The following DGKA variants were observed in gnomAD, a reference collection of about 807,000 sequenced individuals.
DGKA encodes diacylglycerol kinase alpha, also known as 80 kDa diacylglycerol kinase.
A neutral mutation model predicts 105.0 loss-of-function variants in DGKA; 35 were observed. That is an observed-to-expected ratio of 0.33 (90% confidence interval 0.25 to 0.44). The LOEUF is 0.44. DGKA is among the 20% of genes least tolerant of loss of function. DGKA has a pLI of 1.00. For missense variants in DGKA, 665 were observed against 915.0 expected, an observed-to-expected ratio of 0.73 and a Z score of 3.53; for synonymous variants, 296 against 332.0, an observed-to-expected ratio of 0.89 and a Z score of 1.18.
chr12:55,928,011 C>A, upstream of DGKA: 1 of 539,836 alleles, frequency 1.9e-6, no homozygotes, highest in East Asian at 3.2e-5. Context: ...GGCAACTCGC[C>A]AATAATCCGG....
intron 4 of DGKA, 82 bp from the exon 5 acceptor site, chr12:55,937,896 G>A: frequency 1.6e-6 from 2 of 1,231,622 alleles, no homozygotes; most frequent in Non-Finnish European, 2.3e-6. Context: ...TTTAAAAAAA[G>A]GGAGAGGTGG....
Position 55,953,378 on chromosome 12 carries a change from G to A in DGKA, c.2092G>A (p.Asp698Asn). 4 of 1,614,100 alleles carry A rather than the reference G, an allele frequency of 2.5e-6. No homozygotes were observed. Among genetic ancestry groups the A allele is most frequent in the Non-Finnish European group, 3.4e-6 (4 of 1,180,004 alleles). ...HTTKTLPMQI[D>N]GEPWMQTPCT... ...CACAAAAACCCTTCCCATGCAAATTGACGGAGAACCCTGGATGCAGACGCC... is the reference window on the plus strand; with the variant it reads ...CACAAAAACCCTTCCCATGCAAATTAACGGAGAACCCTGGATGCAGACGCC... The change falls in exon 23 of 24, where the codon GAC (aspartate) becomes AAC (asparagine). Residue 698 changes from aspartate to asparagine, a missense_variant. This residue lies in a region of DGKA where 158 missense variants were observed against 213.4 expected (regional missense o/e 0.74). Transcript: ENST00000331886.
chr12:55,953,693 C>T lies in DGKA; in HGVS notation c.2133C>T (p.Ile711=), dbSNP rs1196075729. The T allele has an allele frequency of 5.0e-6, 8 of 1,613,974 alleles. No individual in the cohort carries two copies. The highest frequency in any genetic ancestry group is 6.8e-6 in the Non-Finnish European group (8 of 1,179,988). ...GCTCCCTTCCCTTCCAGATCAAGAT[C>T]ACCCACAAGAACCAGATGCCCATGC... is the stretch of plus-strand genomic sequence containing the variant. The part of the protein sequence containing the change: ...PWMQTPCTIK[I]THKNQMPMLM... The change falls in exon 24 of 24, where the codon ATC becomes ATT. Residue 711 remains isoleucine, a synonymous_variant. Transcript: ENST00000331886.
intron 15 of DGKA, 41 bp from the exon 16 acceptor site, chr12:55,941,957 C>G: frequency 6.2e-7 from 1 of 1,606,106 alleles, no homozygotes; most frequent in African/African-American, 1.3e-5. Context: ...TAGCCTCAGT[C>G]CTGTTATCCT....
intron 9 of DGKA, chr12:55,939,877 G>T (rs1028085722): frequency 2.1e-5 from 13 of 605,956 alleles, no homozygotes; most frequent in Non-Finnish European, 3.8e-5. Flanking sequence ...GATGGTGTGG[G>T]GCAGGCATGC....
At position 55,940,338 on chromosome 12, in the gene DGKA, G is replaced by A; in HGVS notation, c.823G>A (p.Gly275Arg). The change falls in exon 11 of 24, where the codon GGA becomes AGA. Residue 275 changes from glycine (G) to arginine (R), a missense_variant. Gly to Arg is a moderately radical substitution (Grantham distance 125, BLOSUM62 -2). This residue lies in a region of DGKA where 504 missense variants were observed against 681.2 expected (regional missense o/e 0.74). Transcript: ENST00000331886. The surrounding 1 kb of genome is among the most constrained non-coding windows in gnomAD (Gnocchi z 4.3). Reference protein sequence around the residue: ...IGVQSHVWVRGGCESGRCDRC... With the variant: ...IGVQSHVWVRRGCESGRCDRC... ...GGTCCAATCACATGTGTGGGTGCGA[G>A]GAGGCTGTGAGTCCGGGCGCTGCGA... 1 of 1,614,242 alleles carries A rather than the reference G, an allele frequency of 6.2e-7. No individual in the cohort carries two copies. Among genetic ancestry groups the A allele is most frequent in the Non-Finnish European group, 8.5e-7 (1 of 1,180,044 alleles).
At chr12:55,946,407 A>G (rs992883020) in intron 17 of DGKA, among the ~76,000 whole-genome samples, 2 of 152,080 alleles carry the variant, frequency 1.3e-5, no homozygotes, top group Non-Finnish European at 2.9e-5. Context: ...CACAGGCTGG[A>G]GTGCAGTGGC....
At chr12:55,951,312 G>A (rs1888096818) in intron 17 of DGKA, among the ~76,000 whole-genome samples, 1 of 152,140 alleles carries the variant, frequency 6.6e-6, no homozygotes, top group Non-Finnish European at 1.5e-5. Flanking sequence ...AGGGGTCAAG[G>A]GTGAGAGAGG....
At chr12:55,945,042 C>T (rs376473279) in intron 17 of DGKA, among the ~76,000 whole-genome samples, 5 of 152,076 alleles carry the variant, frequency 3.3e-5, no homozygotes, top group African/African-American at 4.8e-5. Context: ...TCAGGTGATC[C>T]GCCCACCTCT....
At position 55,938,909 on chromosome 12, in the gene DGKA, C is replaced by G. The variant is rs1435119777; in HGVS notation, c.400-6C>G. On this transcript the variant is annotated splice_polypyrimidine_tract_variant and splice_region_variant and intron_variant, in intron 6 of 23. Coordinates refer to ENST00000331886, the MANE Select transcript of DGKA (RefSeq NM_001345.5). ...ATGGCTGTGGCTCTTGCCCTTTTTGCTCCAGGAAGTGGACAAAATTATCCT... is the reference window on the plus strand; with the variant it reads ...ATGGCTGTGGCTCTTGCCCTTTTTGGTCCAGGAAGTGGACAAAATTATCCT... 5 of 1,614,078 alleles carry G rather than the reference C, an allele frequency of 3.1e-6. No homozygotes were observed. The highest frequency in any genetic ancestry group is 4.2e-6 in the Non-Finnish European group (5 of 1,179,978).
Position 55,940,999 on chromosome 12 carries a change from T to C in DGKA, c.1101+19T>C, listed in dbSNP as rs752287522. The C allele has an allele frequency of 3.0e-5, 49 of 1,610,946 alleles. No homozygotes were observed. Among genetic ancestry groups the C allele is most frequent in the Non-Finnish European group, 3.9e-5 (46 of 1,178,358 alleles). ...TCTGCGGGTACAGGGCTGAGAGTCT[T>C]GGGCTTCATGATGGGGGCAGGTTTT... is the stretch of plus-strand genomic sequence containing the variant. On this transcript the variant is annotated intron_variant, in intron 13 of 23. Transcript: ENST00000331886. The surrounding 1 kb of genome is among the most constrained non-coding windows in gnomAD (Gnocchi z 4.3).
chr12:55,938,872 A>G, intron 6 of DGKA, 43 bp from the exon 7 acceptor site: 1 of 1,608,376 alleles, frequency 6.2e-7, no homozygotes. Context: ...GGATGGTGGT[A>G]GTAAAGGGGA....
At chr12:55,937,298 C>G in intron 3 of DGKA, 110 bp from the exon 4 acceptor site, 1 of 1,357,904 alleles carries the variant, frequency 7.4e-7, no homozygotes, top group Non-Finnish European at 1.0e-6. Context: ...ACTCCTGCCT[C>G]AGATGCTTCT....
At chr12:55,945,483 C>A (rs1055009762) in intron 17 of DGKA, among the ~76,000 whole-genome samples, 1 of 152,198 alleles carries the variant, frequency 6.6e-6, no homozygotes, top group Non-Finnish European at 1.5e-5. Flanking sequence ...TATTGTCTTA[C>A]AGTTCTGGAT....
At chr12:55,936,789 G>T (rs1430555812) in intron 2 of DGKA, 2 of 820,896 alleles carry the variant, frequency 2.4e-6, no homozygotes, top group Non-Finnish European at 4.2e-6. Flanking sequence ...CAAGGTCTCG[G>T]CTCTCTACCC....
chr12:55,947,747 A>G (rs1157745988), intron 17 of DGKA, among the ~76,000 whole-genome samples: 1 of 152,146 alleles, frequency 6.6e-6, no homozygotes, highest in Admixed American at 6.6e-5. Flanking sequence ...AGAGACTTCT[A>G]GAAGTAGAAT....
At chr12:55,939,133 G>A in intron 7 of DGKA, 53 bp from the exon 8 acceptor site, 9 of 1,606,558 alleles carry the variant, frequency 5.6e-6, no homozygotes, top group Non-Finnish European at 6.8e-6. Context: ...GTGGAGAGGT[G>A]TTGGGTCTGA....
chr12:55,930,315 A>T (rs1883345115), upstream of DGKA: 1 of 151,852 alleles, frequency 6.6e-6, no homozygotes, highest in Non-Finnish European at 1.5e-5. Context: ...CTAACAGTGA[A>T]GAAAATACTG....
chr12:55,941,237 C>T lies in DGKA; in HGVS notation c.1102-15C>T. On this transcript the variant is annotated splice_polypyrimidine_tract_variant and intron_variant, in intron 13 of 23. Coordinates refer to ENST00000331886, the MANE Select transcript of DGKA (RefSeq NM_001345.5). ...ATCCTGCTTTCTTTGTCCTTATTTT[C>T]TTCCCCCAATGCAGATTGACCCTGT... 6.2e-7 allele frequency: 1 copy of T among 1,601,636 alleles called. No individual in the cohort carries two copies.
Sources: gnomAD v4.1 joint callset for allele counts (sites outside exome capture counted in the v4.1 genomes callset) on GRCh38, gnomAD v4.1.1 for gene constraint, gnomAD v4.1.1 regional missense constraint, Gnocchi (gnomAD v3.1) non-coding constraint, MANE v1.5 for transcripts, NCBI Gene and HGNC (gene_info 2026-07-23, HGNC 2026-07-21) for gene names.